The following KRTAP10-10 variants were observed in gnomAD, a reference collection of about 807,000 sequenced individuals.
KRTAP10-10 encodes keratin-associated protein 10-10.
For synonymous variants in KRTAP10-10, 139 were observed against 137.6 expected (o/e 1.01, Z -0.07); for missense variants, 324 against 319.9 (o/e 1.01, Z -0.10).
chr21:44,637,643 C>T, the KRTAP10-10 span: 3 of 1,579,360 alleles, frequency 1.9e-6, no homozygotes, highest in Non-Finnish European at 2.6e-6. Context: ...CCCATGCTAC[C>T]AGCAGTCTAG....
At position 44,638,184 on chromosome 21, in the gene KRTAP10-10, T is replaced by A. The variant is rs1350760381; in HGVS notation, c.*11T>A. 1 of 1,598,504 alleles carries A rather than the reference T, an allele frequency of 6.3e-7. No individual in the cohort carries two copies. Among genetic ancestry groups the A allele is most frequent in the Non-Finnish European group, 8.5e-7 (1 of 1,170,328 alleles). On this transcript the variant is annotated 3_prime_UTR_variant, in exon 1 of 1. Transcript: ENST00000380095. Reference sequence around the variant, plus strand: ...AAGTCCAGCTGCTGACAGCCCTGGATGTGATCCGGAGTCCCTTCCCACCAG... The same window carrying A: ...AAGTCCAGCTGCTGACAGCCCTGGAAGTGATCCGGAGTCCCTTCCCACCAG...
Position 44,637,375 on chromosome 21 carries a change from T to G in KRTAP10-10, c.-43T>G. The G allele has an allele frequency of 6.3e-7, 1 of 1,577,926 alleles. No homozygotes were observed. Among genetic ancestry groups the G allele is most frequent in the Non-Finnish European group, 8.6e-7 (1 of 1,162,346 alleles). On this transcript the variant is annotated 5_prime_UTR_variant, in exon 1 of 1. Coordinates refer to ENST00000380095, the MANE Select transcript of KRTAP10-10 (RefSeq NM_181688.3). Reference sequence around the variant, plus strand: ...CACACACACTCACTCACACACTCACTCACTCACACACCTCCCCCAGCTCAC... The same window carrying G: ...CACACACACTCACTCACACACTCACGCACTCACACACCTCCCCCAGCTCAC...
Position 44,637,425 on chromosome 21 carries a change from C to A in KRTAP10-10, c.8C>A (p.Ala3Asp). The A allele has an allele frequency of 1.9e-6, 3 of 1,605,072 alleles. No homozygotes were observed. Among genetic ancestry groups the A allele is most frequent in the Non-Finnish European group, 2.6e-6 (3 of 1,175,632 alleles). ...CCGCCTCCCCACTCCAGCATGGCCG[C>A]CTCCACCATGTCCATCTGCTCCAGC... Reference protein sequence around the residue: MAASTMSICSSAC... With the variant: MADSTMSICSSAC... The change falls in exon 1 of 1, where the codon GCC becomes GAC. Residue 3 changes from alanine (A) to aspartate (D), a missense_variant. By Grantham distance (126) the Ala-to-Asp change is moderately radical (BLOSUM62 -2). Transcript: ENST00000380095.
In KRTAP10-10 at chr21:44,638,113, C is replaced by A. The variant is rs782149321; in HGVS notation, c.696C>A (p.Arg232=). 4 of 1,613,494 alleles carry A rather than the reference C, an allele frequency of 2.5e-6. No individual in the cohort carries two copies. The highest frequency in any genetic ancestry group is 3.4e-6 in the Non-Finnish European group (4 of 1,179,794). Residue 232 remains arginine (R), a synonymous_variant, in exon 1 of 1, where the codon CGC becomes CGA. Coordinates refer to ENST00000380095, the MANE Select transcript of KRTAP10-10 (RefSeq NM_181688.3). Reference sequence around the variant, plus strand: ...CCTCCTGTGTTTCCCTCCTCTGCCGCCCCGTGTGCTCCCGCCCTGCCTGCT... The same window carrying A: ...CCTCCTGTGTTTCCCTCCTCTGCCGACCCGTGTGCTCCCGCCCTGCCTGCT... ...RTASCVSLLC[R]PVCSRPACYS...
rs587680756 is a variant in KRTAP10-10, at chr21:44,637,409, C to T, written c.-9C>T. 2 of 1,596,864 alleles carry T rather than the reference C, an allele frequency of 1.3e-6. No individual in the cohort carries two copies. The highest frequency in any genetic ancestry group is 4.5e-5 in the East Asian group (2 of 44,802). Reference sequence around the variant, plus strand: ...CACCTCCCCCAGCTCACCGCCTCCCCACTCCAGCATGGCCGCCTCCACCAT... The same window carrying T: ...CACCTCCCCCAGCTCACCGCCTCCCTACTCCAGCATGGCCGCCTCCACCAT... On this transcript the variant is annotated 5_prime_UTR_variant, in exon 1 of 1. Coordinates refer to ENST00000380095, the MANE Select transcript of KRTAP10-10 (RefSeq NM_181688.3).
Position 44,637,535 on chromosome 21 carries a change from C to G in KRTAP10-10, c.118C>G (p.Leu40Val). Residue 40 changes from leucine to valine, a missense_variant, in exon 1 of 1, where the codon CTG becomes GTG. Transcript: ENST00000380095. ...CTGTGCCCCAGCCCCCAGCTTGACC[C>G]TGGTCTGCACCCCAGTGAGCTGTGT... is the stretch of plus-strand genomic sequence containing the variant. ...CCCAPAPSLTLVCTPVSCVSS... is the reference protein window; with the variant it reads ...CCCAPAPSLTVVCTPVSCVSS... 1.2e-6 allele frequency: 2 copies of G among 1,613,614 alleles called. No individual in the cohort carries two copies. The highest frequency in any genetic ancestry group is 2.2e-5 in the South Asian group (2 of 91,050).
In KRTAP10-10 at chr21:44,638,148, G is replaced by A; in HGVS notation, c.731G>A (p.Cys244Tyr). The A allele has an allele frequency of 6.2e-7, 1 of 1,611,804 alleles. No individual in the cohort carries two copies. The highest frequency in any genetic ancestry group is 8.5e-7 in the Non-Finnish European group (1 of 1,178,736). Residue 244 changes from cysteine to tyrosine, a missense_variant, in exon 1 of 1, where the codon TGC (cysteine) becomes TAC (tyrosine). Coordinates refer to ENST00000380095, the MANE Select transcript of KRTAP10-10 (RefSeq NM_181688.3). ...TCCCGCCCTGCCTGCTACAGCCTCT[G>A]CTCTGGCCAGAAGTCCAGCTGCTGA... ...VCSRPACYSL[C>Y]SGQKSSC
the KRTAP10-10 span, chr21:44,638,064 GC>G: frequency 1.2e-6 from 2 of 1,613,144 alleles, no homozygotes; most frequent in Admixed American, 3.3e-5. Context: ...GCCTCCTCCT[GC>G]CAGCCCAGCT....
chr21:44,637,923 G>T lies in KRTAP10-10; in HGVS notation c.506G>T (p.Cys169Phe). Residue 169 changes from cysteine to phenylalanine, a missense_variant, in exon 1 of 1, where the codon TGC (cysteine) becomes TTC (phenylalanine). Coordinates refer to ENST00000380095, the MANE Select transcript of KRTAP10-10 (RefSeq NM_181688.3). ...TGCTCTGGGGCTTCCACTTCATGCT[G>T]CCAGCAGTCTAGCTGCCAGCCTGCT... Reference protein sequence around the residue: ...PVCSGASTSCCQQSSCQPACC... With the variant: ...PVCSGASTSCFQQSSCQPACC... The T allele has an allele frequency of 6.2e-7, 1 of 1,611,856 alleles. No homozygotes were observed. The highest frequency in any genetic ancestry group is 8.5e-7 in the Non-Finnish European group (1 of 1,178,752).
In KRTAP10-10 at chr21:44,637,708, T is replaced by C. The variant is rs55677560; in HGVS notation, c.291T>C (p.Pro97=). The C allele has an allele frequency of 3.5e-4, 168 of 483,020 alleles. 2 individuals carry two copies. The highest frequency in any genetic ancestry group is 1.2e-3 in the African/African-American group (23 of 19,584). 29.9% of individuals were successfully genotyped at this position (483,020 alleles called of 1,614,324 possible). A position where few individuals can be genotyped will look rare whatever the true frequency, so the allele number is the denominator to read the frequency against. The change falls in exon 1 of 1, where the codon CCT becomes CCC. Residue 97 remains proline, a synonymous_variant. Transcript: ENST00000380095. ...SSPCQQACCV[P]VCCVPVCCVP... ...CCTGCCAGCAGGCCTGCTGTGTGCC[T>C]GTCTGCTGTGTGCCCGTCTGCTGCG... is the stretch of plus-strand genomic sequence containing the variant.
chr21:44,637,574 T>A lies in KRTAP10-10; in HGVS notation c.157T>A (p.Cys53Ser), dbSNP rs1187557835. 2.5e-6 allele frequency: 4 copies of A among 1,613,726 alleles called. No homozygotes were observed. In the East Asian group the frequency reaches 8.9e-5, roughly 36 times the overall value. Residue 53 changes from cysteine to serine, a missense_variant, in exon 1 of 1, where the codon TGC becomes AGC. Coordinates refer to ENST00000380095, the MANE Select transcript of KRTAP10-10 (RefSeq NM_181688.3). ...AGTGAGCTGTGTGTCCAGCCCCTGC[T>A]GCCAGACGGCCTGTGAGCCCAGCGC... is the stretch of plus-strand genomic sequence containing the variant. ...TPVSCVSSPC[C>S]QTACEPSACQ...
chr21:44,638,033 G>T lies in KRTAP10-10; in HGVS notation c.616G>T (p.Val206Phe). 6.2e-7 allele frequency: 1 copy of T among 1,613,166 alleles called. No homozygotes were observed. The change falls in exon 1 of 1, where the codon GTC becomes TTC. Residue 206 changes from valine to phenylalanine, a missense_variant. Val to Phe is a conservative substitution (Grantham distance 50). Transcript: ENST00000380095. ...GTGCAAGTCCACCTGCTGCGTGCCC[G>T]TCCCCTCCTGCGGTGCCTCTGCCTC... ...PVCKSTCCVP[V>F]PSCGASASSC...
rs2146220354 is a variant in KRTAP10-10 at position 44,637,740 on chromosome 21, T to C, written c.323T>C (p.Val108Ala). 7.5e-7 allele frequency: 1 copy of C among 1,335,678 alleles called. No individual in the cohort carries two copies. The highest frequency in any genetic ancestry group is 2.4e-5 in the East Asian group (1 of 41,768). The allele number at this position is 1,335,678 out of a possible 1,614,324, so 82.7% of individuals were successfully genotyped here. The change falls in exon 1 of 1, where the codon GTC becomes GCC. Residue 108 changes from valine to alanine, a missense_variant. Coordinates refer to ENST00000380095, the MANE Select transcript of KRTAP10-10 (RefSeq NM_181688.3). Reference protein sequence around the residue: ...VCCVPVCCVPVCNKPVCFVPT... With the variant: ...VCCVPVCCVPACNKPVCFVPT... ...TGTGTGCCCGTCTGCTGCGTGCCCG[T>C]CTGTAACAAGCCTGTGTGCTTCGTG... is the stretch of plus-strand genomic sequence containing the variant.
chr21:44,637,801 G>A lies in KRTAP10-10; in HGVS notation c.384G>A (p.Gln128=), dbSNP rs1555937349. The A allele has an allele frequency of 7.3e-7, 1 of 1,368,000 alleles. No homozygotes were observed. Among genetic ancestry groups the A allele is most frequent in the African/African-American group, 1.6e-5 (1 of 64,262 alleles). The allele number at this position is 1,368,000 out of a possible 1,614,324, so 84.7% of individuals were successfully genotyped here. The change falls in exon 1 of 1, where the codon CAG becomes CAA. Residue 128 remains glutamine (Q), a synonymous_variant. Transcript: ENST00000380095. ...CCGAGTCTTCCCCTTCATGCTGCCA[G>A]CAGTCTAGCTGCCAGCCAACTTGCT... ...TCSESSPSCC[Q]QSSCQPTCCT... is the part of the protein sequence containing the mutation.
In KRTAP10-10 at chr21:44,637,809, G is replaced by T; in HGVS notation, c.392G>T (p.Ser131Ile). 1 of 1,368,608 alleles carries T rather than the reference G, an allele frequency of 7.3e-7. No homozygotes were observed. Among genetic ancestry groups the T allele is most frequent in the Non-Finnish European group, 1.0e-6 (1 of 996,652 alleles). The allele number at this position is 1,368,608 out of a possible 1,614,324, so 84.8% of individuals were successfully genotyped here. The change falls in exon 1 of 1, where the codon AGC (serine) becomes ATC (isoleucine). Residue 131 changes from serine to isoleucine, a missense_variant. Transcript: ENST00000380095. ...TCCCCTTCATGCTGCCAGCAGTCTA[G>T]CTGCCAGCCAACTTGCTGCACCTCC... is the stretch of plus-strand genomic sequence containing the variant. ...ESSPSCCQQS[S>I]CQPTCCTSSP...
chr21:44,638,413 C>T lies in KRTAP10-10; in HGVS notation c.*240C>T. 2.5e-6 allele frequency: 1 copy of T among 400,686 alleles called. No homozygotes were observed. The highest frequency in any genetic ancestry group is 4.8e-6 in the Non-Finnish European group (1 of 210,162). 24.8% of individuals were successfully genotyped at this position (400,686 alleles called of 1,614,324 possible). A position where few individuals can be genotyped will look rare whatever the true frequency, so the allele number is the denominator to read the frequency against. On this transcript the variant is annotated 3_prime_UTR_variant, in exon 1 of 1. Transcript: ENST00000380095. ...GCAGGCCTGGTTCCACCCTGGGCAG[C>T]ACCCCCTCTAGTTCTAATAAAGCCG...
rs138909294 is a variant in KRTAP10-10 at position 44,638,086 on chromosome 21, G to T, written c.669G>T (p.Thr223=). ...ASSCQPSCCR[T]ASCVSLLCRP... ...CCTGCCAGCCCAGCTGCTGCCGCACGGCCTCCTGTGTTTCCCTCCTCTGCC... is the reference window on the plus strand; with the variant it reads ...CCTGCCAGCCCAGCTGCTGCCGCACTGCCTCCTGTGTTTCCCTCCTCTGCC... Residue 223 remains threonine (T), a synonymous_variant, in exon 1 of 1, where the codon ACG becomes ACT. Transcript: ENST00000380095. 14 of 1,613,322 alleles carry T rather than the reference G, an allele frequency of 8.7e-6. No individual in the cohort carries two copies. The highest frequency in any genetic ancestry group is 6.7e-5 in the African/African-American group (5 of 74,738).
Position 44,637,837 on chromosome 21 carries a change from C to T in KRTAP10-10, c.420C>T (p.Ser140=), listed in dbSNP as rs782063257. The T allele has an allele frequency of 1.4e-6, 2 of 1,384,462 alleles. No homozygotes were observed. The highest frequency in any genetic ancestry group is 2.0e-6 in the Non-Finnish European group (2 of 1,008,296). 85.8% of individuals were successfully genotyped at this position (1,384,462 alleles called of 1,614,324 possible). A position where few individuals can be genotyped will look rare whatever the true frequency, so the allele number is the denominator to read the frequency against. ...GCCAGCCAACTTGCTGCACCTCCTC[C>T]CCATGCCAGCAGGCCTGCTGTGTGC... ...SSCQPTCCTS[S]PCQQACCVPV... Residue 140 remains serine (S), a synonymous_variant, in exon 1 of 1, where the codon TCC becomes TCT. Transcript: ENST00000380095.
chr21:44,637,817 C>A lies in KRTAP10-10; in HGVS notation c.400C>A (p.Pro134Thr), dbSNP rs1934331256. 7.3e-7 allele frequency: 1 copy of A among 1,368,352 alleles called. No individual in the cohort carries two copies. Among genetic ancestry groups the A allele is most frequent in the Admixed American group, 2.1e-5 (1 of 48,728 alleles). 84.8% of individuals were successfully genotyped at this position (1,368,352 alleles called of 1,614,324 possible). ...ATGCTGCCAGCAGTCTAGCTGCCAG[C>A]CAACTTGCTGCACCTCCTCCCCATG... The part of the protein sequence containing the change: ...PSCCQQSSCQ[P>T]TCCTSSPCQQ... The change falls in exon 1 of 1, where the codon CCA becomes ACA. Residue 134 changes from proline (P) to threonine (T), a missense_variant. By Grantham distance (38) the Pro-to-Thr change is conservative. Transcript: ENST00000380095.
Sources: gnomAD v4.1 joint callset for allele counts on GRCh38, gnomAD v4.1.1 for gene constraint, MANE v1.5 for transcripts, NCBI Gene and HGNC (gene_info 2026-07-23, HGNC 2026-07-21) for gene names.